NDUFS1: variants seen among roughly 807,000 people sequenced by gnomAD.
NDUFS1 encodes the protein NADH-ubiquinone oxidoreductase 75 kDa subunit, mitochondrial.
In NDUFS1, 61 loss-of-function variants were observed where a neutral mutation model predicts 84.4. The observed-to-expected ratio is 0.72, with a 90% CI of 0.59 to 0.89. The LOEUF is 0.89. NDUFS1 is among the 40% of genes least tolerant of loss of function. The pLI is 0.00. For synonymous variants in NDUFS1, 275 were observed against 290.0 expected (o/e 0.95, Z 0.53); for missense variants, 891 against 890.0 (o/e 1.00, Z -0.01).
Position 206,144,064 on chromosome 2 carries a change from A to G in NDUFS1, c.941T>C (p.Leu314Ser). The change falls in exon 10 of 19, where the codon TTA (leucine) becomes TCA (serine). Residue 314 changes from leucine (L) to serine (S), a missense_variant. Physicochemically the swap from Leu to Ser is moderately radical, Grantham distance 145. Coordinates refer to ENST00000233190, the MANE Select transcript of NDUFS1 (RefSeq NM_005006.7). ...EPMVRNEKGL[L>S]TYTSWEDALS... is the part of the protein sequence containing the mutation. ...CGCATCCTCCCAAGAAGTATAGGTT[A>G]AAAGCCCTTTTTCATTTCTGACCAT... is the stretch of plus-strand genomic sequence containing the variant. 6.2e-7 allele frequency: 1 copy of G among 1,614,118 alleles called. No homozygotes were observed. The highest frequency in any genetic ancestry group is 1.1e-5 in the South Asian group (1 of 91,086).
At position 206,124,055 on chromosome 2, in the gene NDUFS1, T is replaced by A. The variant is rs200736574; in HGVS notation, c.*130A>T. The A allele has an allele frequency of 2.9e-6, 2 of 697,308 alleles. No individual in the cohort carries two copies. The highest frequency in any genetic ancestry group is 5.0e-6 in the Non-Finnish European group (2 of 400,416). 43.2% of individuals were successfully genotyped at this position (697,308 alleles called of 1,614,324 possible). A position where few individuals can be genotyped will look rare whatever the true frequency, so the allele number is the denominator to read the frequency against. On this transcript the variant is annotated 3_prime_UTR_variant, in exon 19 of 19. Transcript: ENST00000233190. ...TAATATCATTTTCAAATAGGCATAGTATAACCTTAAATATTACATGATTCA... is the reference window on the plus strand; with the variant it reads ...TAATATCATTTTCAAATAGGCATAGAATAACCTTAAATATTACATGATTCA...
At position 206,132,993 on chromosome 2, in the gene NDUFS1, A is replaced by C. The variant is rs139881824; in HGVS notation, c.1505T>G (p.Met502Arg). The change falls in exon 14 of 19, where the codon ATG (methionine) becomes AGG (arginine). Residue 502 changes from methionine to arginine, a missense_variant. Coordinates refer to ENST00000233190, the MANE Select transcript of NDUFS1 (RefSeq NM_005006.7). ...AVSSIAQKIR[M>R]TSGVTGDWKV... ...CCAATCACCAGTAACACCACTAGTC[A>C]TCCGAATCTTTTGTGCAATGCTAGA... The C allele has an allele frequency of 2.6e-4, 424 of 1,614,016 alleles. No homozygotes were observed. Among genetic ancestry groups the C allele is most frequent in the Non-Finnish European group, 3.3e-4 (387 of 1,179,964 alleles).
chr2:206,138,108 T>C (rs2105960540), intron 13 of NDUFS1, among the ~76,000 whole-genome samples: 1 of 152,280 alleles, frequency 6.6e-6, no homozygotes, highest in Non-Finnish European at 1.5e-5. Context: ...TTTTTGGGGG[T>C]GGGACAGAGT....
intron 15 of NDUFS1, among the ~76,000 whole-genome samples, chr2:206,129,593 C>CTT (rs746414966): frequency 2.2e-4 from 32 of 142,404 alleles, no homozygotes; most frequent in Non-Finnish European, 2.9e-4. Flanking sequence ...TTTGGTTTAA[C>CTT]TTTTTTTTTT....
chr2:206,131,756 G>A (rs1273159572), intron 14 of NDUFS1, among the ~76,000 whole-genome samples: 2 of 152,014 alleles, frequency 1.3e-5, no homozygotes, highest in East Asian at 3.9e-4. Flanking sequence ...TGGCTAACAC[G>A]GTGAAACCCA....
At chr2:206,149,468 A>G (rs989578449) in intron 4 of NDUFS1, among the ~76,000 whole-genome samples, 1 of 152,162 alleles carries the variant, frequency 6.6e-6, no homozygotes, top group Non-Finnish European at 1.5e-5. Flanking sequence ...CTTCCCTGCA[A>G]CCCTTTTCTC....
Position 206,138,571 on chromosome 2 carries a change from C to T in NDUFS1, c.1306G>A (p.Val436Met). ...TGGTCATATGTGTAAGTGAGGTCCA[C>T]TGGACTGCCTATAAGGGCCACTTTT... ...DLKVALIGSP[V>M]DLTYTYDHLG... Residue 436 changes from valine (V) to methionine (M), a missense_variant, in exon 13 of 19, where the codon GTG (valine) becomes ATG (methionine). Physicochemically the swap from Val to Met is conservative, Grantham distance 21. Transcript: ENST00000233190. The T allele has an allele frequency of 1.2e-6, 2 of 1,613,990 alleles. No individual in the cohort carries two copies. Among genetic ancestry groups the T allele is most frequent in the Middle Eastern group, 1.6e-4 (1 of 6,062 alleles).
chr2:206,152,581 G>C, intron 2 of NDUFS1, 71 bp from the exon 3 acceptor site: 1 of 1,326,956 alleles, frequency 7.5e-7, no homozygotes, highest in Non-Finnish European at 1.1e-6. Flanking sequence ...TGGATGAATT[G>C]ACTCTAACTA....
At chr2:206,139,431 C>A (rs528642781) in intron 12 of NDUFS1, among the ~76,000 whole-genome samples, 1 of 152,108 alleles carries the variant, frequency 6.6e-6, no homozygotes, top group African/African-American at 2.4e-5. Flanking sequence ...AGGTGATCCA[C>A]CCGCCTCAGC....
intron 9 of NDUFS1, 61 bp downstream of exon 9, chr2:206,144,831 A>C (rs779183172): frequency 6.5e-7 from 1 of 1,538,732 alleles, no homozygotes; most frequent in Non-Finnish European, 8.9e-7. Flanking sequence ...ATTCTTCAAA[A>C]TTATTATAAA....
rs1218661065 is a variant in NDUFS1 at position 206,119,300 on chromosome 2, C to T, written c.*4885G>A. The T allele has an allele frequency of 6.6e-6, 1 of 152,144 alleles. No individual in the cohort carries two copies. Among genetic ancestry groups the T allele is most frequent in the African/African-American group, 2.4e-5 (1 of 41,454 alleles). The allele number at this position is 152,144 out of a possible 1,614,324, so 9.4% of individuals were successfully genotyped here. ...AATTCTATGAGGCTGGAAGTAGGTA[C>T]AATTTTACAATTTTTATCCTCATTT... On this transcript the variant is annotated 3_prime_UTR_variant, in exon 19 of 19. Coordinates refer to ENST00000233190, the MANE Select transcript of NDUFS1 (RefSeq NM_005006.7).
Position 206,118,188 on chromosome 2 carries a change from G to C in NDUFS1, c.*5997C>G, listed in dbSNP as rs1691002222. 1 of 152,184 alleles carries C rather than the reference G, an allele frequency of 6.6e-6. No homozygotes were observed. Among genetic ancestry groups the C allele is most frequent in the South Asian group, 2.1e-4 (1 of 4,830 alleles). 9.4% of individuals were successfully genotyped at this position (152,184 alleles called of 1,614,324 possible). A position where few individuals can be genotyped will look rare whatever the true frequency, so the allele number is the denominator to read the frequency against. ...AAACACTTTAAGCAGAGGGTATTTG[G>C]TTTTGAGATCCTTGTTCTCTTAAAA... On this transcript the variant is annotated 3_prime_UTR_variant, in exon 19 of 19. Transcript: ENST00000233190.
chr2:206,138,167 T>A (rs915206701), intron 13 of NDUFS1, among the ~76,000 whole-genome samples: 6 of 152,232 alleles, frequency 3.9e-5, no homozygotes, highest in African/African-American at 1.2e-4. Context: ...CTTGGCTCAC[T>A]GCAACCTCCG....
rs1170217148 is a variant in NDUFS1, at chr2:206,144,982, A to AT, written c.781dup (p.Ile261AsnfsTer4). 1 of 1,614,100 alleles carries AT rather than the reference A, an allele frequency of 6.2e-7. No individual in the cohort carries two copies. Among genetic ancestry groups the AT allele is most frequent in the Non-Finnish European group, 8.5e-7 (1 of 1,179,988 alleles). On this transcript the variant is annotated frameshift_variant, in exon 9 of 19. Coordinates refer to ENST00000233190, the MANE Select transcript of NDUFS1 (RefSeq NM_005006.7). LOFTEE classifies it high-confidence loss of function. ...TTCTCCAGTTCTTGTGCTAACCACA[A>AT]TATTACTTCCAACCGCATCCATTAC...
Position 206,118,416 on chromosome 2 carries a change from A to T in NDUFS1, c.*5769T>A, listed in dbSNP as rs1691010113. Reference sequence around the variant, plus strand: ...TGAGGCAGGTGGATCACTTGAACTCAGGAGTTTAAGACCAGCCTGGGTAAC... The same window carrying T: ...TGAGGCAGGTGGATCACTTGAACTCTGGAGTTTAAGACCAGCCTGGGTAAC... On this transcript the variant is annotated 3_prime_UTR_variant, in exon 19 of 19. Coordinates refer to ENST00000233190, the MANE Select transcript of NDUFS1 (RefSeq NM_005006.7). The T allele has an allele frequency of 6.6e-6, 1 of 152,214 alleles. No homozygotes were observed. The highest frequency in any genetic ancestry group is 1.5e-5 in the Non-Finnish European group (1 of 68,126). 9.4% of individuals were successfully genotyped at this position (152,214 alleles called of 1,614,324 possible). A position where few individuals can be genotyped will look rare whatever the true frequency, so the allele number is the denominator to read the frequency against.
chr2:206,159,363 C>G lies in NDUFS1; in HGVS notation c.-27G>C. On this transcript the variant is annotated 5_prime_UTR_variant, in exon 1 of 19. Coordinates refer to ENST00000233190, the MANE Select transcript of NDUFS1 (RefSeq NM_005006.7). ...CACCTTCTCCCCGGAGCCGCGGAGG[C>G]TGTTCTGCTAAACTGTCTGGACCAC... 1 of 594,856 alleles carries G rather than the reference C, an allele frequency of 1.7e-6. No individual in the cohort carries two copies. The highest frequency in any genetic ancestry group is 3.0e-6 in the Non-Finnish European group (1 of 334,038). 36.8% of individuals were successfully genotyped at this position (594,856 alleles called of 1,614,324 possible). A position where few individuals can be genotyped will look rare whatever the true frequency, so the allele number is the denominator to read the frequency against.
chr2:206,148,879 C>T (rs1439300659), intron 5 of NDUFS1, 141 bp downstream of exon 5: 3 of 677,146 alleles, frequency 4.4e-6, no homozygotes, highest in Admixed American at 2.3e-5. Flanking sequence ...GTAGTACTCA[C>T]TTCTATTGCT....
rs773937554 is a variant in NDUFS1, at chr2:206,149,082, A to C, written c.276T>G (p.Cys92Trp). ...TCCAACCCTTCATTACTGGCATGGC[A>C]CAAGCAGCTACAACCTGGGATTTCA... ...IEKAPKVVAA[C>W]AMPVMKGWNI... Residue 92 changes from cysteine (C) to tryptophan (W), a missense_variant, in exon 5 of 19, where the codon TGT becomes TGG. By Grantham distance (215) the Cys-to-Trp change is radical. Transcript: ENST00000233190. The C allele has an allele frequency of 6.2e-7, 1 of 1,613,046 alleles. No individual in the cohort carries two copies. The highest frequency in any genetic ancestry group is 1.1e-5 in the South Asian group (1 of 91,016).
intron 12 of NDUFS1, among the ~76,000 whole-genome samples, chr2:206,140,937 T>TACACACACACAC (rs1400001002): frequency 8.4e-5 from 5 of 59,414 alleles, no homozygotes; most frequent in African/African-American, 2.2e-4. Context: ...TATATATATA[T>TACACACACACAC]ATATATACAC....
Sources: gnomAD v4.1 joint callset for allele counts (sites outside exome capture counted in the v4.1 genomes callset) on GRCh38, gnomAD v4.1.1 for gene constraint, MANE v1.5 for transcripts, NCBI Gene and HGNC (gene_info 2026-07-23, HGNC 2026-07-21) for gene names.